NFAM1: variants seen among roughly 807,000 people sequenced by gnomAD.
The protein encoded by NFAM1 is NFAT activation molecule 1.
Under a neutral mutation model 29.0 loss-of-function variants are expected in NFAM1, and 17 were observed. The observed-to-expected ratio is 0.59, with a 90% CI of 0.40 to 0.88. The LOEUF (loss-of-function observed/expected upper bound fraction) is 0.88. Among genes scored for constraint, NFAM1 ranks in the 40% least tolerant of loss-of-function variants. NFAM1 has a pLI of 0.00. For synonymous variants in NFAM1, 175 were observed against 147.2 expected (o/e 1.19, Z -1.36); for missense variants, 324 against 344.6 (o/e 0.94, Z 0.47).
Position 42,409,600 on chromosome 22 carries a change from G to A in NFAM1, c.452-53C>T. 1.2e-6 allele frequency: 1 copy of A among 861,490 alleles called. No homozygotes were observed. Among genetic ancestry groups the A allele is most frequent in the Non-Finnish European group, 1.7e-6 (1 of 571,682 alleles). 53.4% of individuals were successfully genotyped at this position (861,490 alleles called of 1,614,324 possible). On this transcript the variant is annotated intron_variant, in intron 2 of 5. Coordinates refer to ENST00000329021, the MANE Select transcript of NFAM1 (RefSeq NM_145912.8). The surrounding 1 kb of genome is among the most constrained non-coding windows in gnomAD (Gnocchi z 4.9). Reference sequence around the variant, plus strand: ...GGTCAGTGACCCAGGAGAAAGCGGGGCACACACACCTGATGTTCTCCCTCA... The same window carrying A: ...GGTCAGTGACCCAGGAGAAAGCGGGACACACACACCTGATGTTCTCCCTCA...
intron 1 of NFAM1, among the ~76,000 whole-genome samples, chr22:42,429,579 G>A (rs762083305): frequency 1.4e-4 from 21 of 152,358 alleles, no homozygotes; most frequent in Admixed American, 3.9e-4. Flanking sequence ...TGGTGCCACT[G>A]CACTCCAGCC....
intron 4 of NFAM1, among the ~76,000 whole-genome samples, chr22:42,389,674 GGGGCT>G (rs1292110654): frequency 2.7e-5 from 4 of 148,780 alleles, no homozygotes; most frequent in African/African-American, 7.4e-5. Flanking sequence ...TGGGGGCTGG[GGGGCT>G]GGGCTGGGCT....
rs1426835485 is a variant in NFAM1 at position 42,381,188 on chromosome 22, T to A, written c.*3973A>T. 2 of 152,718 alleles carry A rather than the reference T, an allele frequency of 1.3e-5. No individual in the cohort carries two copies. The highest frequency in any genetic ancestry group is 2.9e-5 in the Non-Finnish European group (2 of 68,022). 9.5% of individuals were successfully genotyped at this position (152,718 alleles called of 1,614,324 possible). Reference sequence around the variant, plus strand: ...GACAGCCAGTGGCCTCCTAGCTTAGTTCTGGGCCCCCGCCTGCAAGCACAC... The same window carrying A: ...GACAGCCAGTGGCCTCCTAGCTTAGATCTGGGCCCCCGCCTGCAAGCACAC... On this transcript the variant is annotated 3_prime_UTR_variant, in exon 6 of 6. Transcript: ENST00000329021.
chr22:42,424,910 C>T (rs1476039993), intron 1 of NFAM1, among the ~76,000 whole-genome samples: 4 of 113,152 alleles, frequency 3.5e-5, no homozygotes, highest in Admixed American at 1.6e-4. Context: ...TCTTTCTTTT[C>T]GTATTTATTT....
At chr22:42,399,510 CGA>C (rs1476954616) in intron 3 of NFAM1, among the ~76,000 whole-genome samples, 5 of 151,274 alleles carry the variant, frequency 3.3e-5, no homozygotes, top group East Asian at 1.9e-4. Flanking sequence ...GTGTGTGGCC[CGA>C]GAGAGGAGCC....
At chr22:42,387,249 T>C (rs1431017598) in intron 4 of NFAM1, among the ~76,000 whole-genome samples, 171 bp from the exon 5 acceptor site, 1 of 152,078 alleles carries the variant, frequency 6.6e-6, no homozygotes, top group South Asian at 2.1e-4. Context: ...ACCTTTCCCC[T>C]TCCCTGCCTG....
At chr22:42,401,038 C>CTG (rs1241486637) in intron 3 of NFAM1, among the ~76,000 whole-genome samples, 1 of 152,192 alleles carries the variant, frequency 6.6e-6, no homozygotes, top group African/African-American at 2.4e-5. Context: ...ATGGAAGACC[C>CTG]TGTGGTGAAC....
chr22:42,420,018 T>TTTG (rs1930391220), intron 1 of NFAM1, among the ~76,000 whole-genome samples: 1 of 130,358 alleles, frequency 7.7e-6, no homozygotes. Flanking sequence ...TTTTTTTTTT[T>TTTG]TTTTTTTTCT....
At chr22:42,431,638 C>T (rs757163320) in intron 1 of NFAM1, among the ~76,000 whole-genome samples, 1 of 152,228 alleles carries the variant, frequency 6.6e-6, no homozygotes, top group African/African-American at 2.4e-5. Flanking sequence ...AAAGGAGCGC[C>T]GCTGGCGTGG....
At chr22:42,406,466 G>A (rs536781348) in intron 3 of NFAM1, among the ~76,000 whole-genome samples, 4 of 151,996 alleles carry the variant, frequency 2.6e-5, no homozygotes, top group Non-Finnish European at 5.9e-5. Context: ...CTTCCCATCC[G>A]TCTACTCTCT....
At chr22:42,400,407 C>T (rs61156576) in intron 3 of NFAM1, among the ~76,000 whole-genome samples, 5,744 of 152,156 alleles carry the variant, frequency 0.038, 350 homozygotes, top group African/African-American at 0.13. Flanking sequence ...CACTTGAGGT[C>T]GGGAGTTCGA....
chr22:42,393,575 AT>A (rs36029784), intron 4 of NFAM1, among the ~76,000 whole-genome samples: 121 of 140,142 alleles, frequency 8.6e-4, no homozygotes, highest in Middle Eastern at 3.7e-3. Flanking sequence ...CGCCTGACTA[AT>A]TTTTTTTTTT....
chr22:42,406,011 C>A (rs1929885520), intron 3 of NFAM1, among the ~76,000 whole-genome samples: 1 of 152,144 alleles, frequency 6.6e-6, no homozygotes, highest in South Asian at 2.1e-4. Context: ...ATGACATCCC[C>A]AGCCTCAAGA....
At chr22:42,433,434 C>G (rs1601768218), upstream of NFAM1, among the ~76,000 whole-genome samples, 2 of 152,336 alleles carry the variant, frequency 1.3e-5, no homozygotes, top group South Asian at 4.1e-4. Flanking sequence ...AAACAACATG[C>G]CTAGGATCAG....
At position 42,384,604 on chromosome 22, in the gene NFAM1, C is replaced by T; in HGVS notation, c.*557G>A. 5.9e-6 allele frequency: 1 copy of T among 170,074 alleles called. No homozygotes were observed. The highest frequency in any genetic ancestry group is 5.7e-5 in the Admixed American group (1 of 17,650). 10.5% of individuals were successfully genotyped at this position (170,074 alleles called of 1,614,324 possible). ...GAGGGGTCCATCATCCTTGTCTGTCCCCCAGACCTCCCACGCCAGCCCCTG... is the reference window on the plus strand; with the variant it reads ...GAGGGGTCCATCATCCTTGTCTGTCTCCCAGACCTCCCACGCCAGCCCCTG... On this transcript the variant is annotated 3_prime_UTR_variant, in exon 6 of 6. Coordinates refer to ENST00000329021, the MANE Select transcript of NFAM1 (RefSeq NM_145912.8).
At chr22:42,404,501 G>C (rs569546345) in intron 3 of NFAM1, among the ~76,000 whole-genome samples, 1 of 151,996 alleles carries the variant, frequency 6.6e-6, no homozygotes, top group African/African-American at 2.4e-5. Context: ...TCTGGCCTCC[G>C]GGTTCTCTTT....
Position 42,431,061 on chromosome 22 carries a change from G to A in NFAM1, c.121+1176C>T, listed in dbSNP as rs187434818. 2.4e-3 allele frequency among the ~76,000 whole-genome samples: 365 copies of A among 152,270 alleles called. 1 individual carries two copies. The highest frequency in any genetic ancestry group is 8.5e-3 in the African/African-American group (352 of 41,544). On this transcript the variant is annotated intron_variant, in intron 1 of 5. Coordinates refer to ENST00000329021, the MANE Select transcript of NFAM1 (RefSeq NM_145912.8). ...CTTTGCCTCCCCAGGGTAAGTTTCC[G>A]GTGAAGAACATTCTTTACAAGTAAG...
chr22:42,435,348 CTT>C (rs10715028), upstream of NFAM1, among the ~76,000 whole-genome samples: 127 of 135,160 alleles, frequency 9.4e-4, no homozygotes, highest in Non-Finnish European at 1.1e-3. Context: ...TCTTTTCTTT[CTT>C]TTTTTTTTTT....
chr22:42,385,564 T>G (rs1929109268), intron 5 of NFAM1, among the ~76,000 whole-genome samples: 1 of 151,994 alleles, frequency 6.6e-6, no homozygotes, highest in African/African-American at 2.4e-5. Flanking sequence ...GCCTGCGGGC[T>G]CATCATAGGG....
Sources: gnomAD v4.1 joint callset for allele counts (sites outside exome capture counted in the v4.1 genomes callset) on GRCh38, gnomAD v4.1.1 for gene constraint, Gnocchi (gnomAD v3.1) non-coding constraint, MANE v1.5 for transcripts, NCBI Gene and HGNC (gene_info 2026-07-23, HGNC 2026-07-21) for gene names.